FAM240C: variants seen among roughly 807,000 people sequenced by gnomAD.
The protein encoded by FAM240C is protein FAM240C.
A neutral mutation model predicts 10.0 loss-of-function variants in FAM240C; 14 were observed. That is an observed-to-expected ratio of 1.40 (90% CI 0.92 to 2.19). The LOEUF is 2.19. FAM240C is among the 30% of genes most tolerant of loss of function. The pLI, the probability that FAM240C is intolerant of heterozygous loss-of-function variation, is 0.00. For synonymous variants in FAM240C, 49 were observed against 44.3 expected, an observed-to-expected ratio of 1.11 and a Z score of -0.42; for missense variants, 154 against 122.3, an observed-to-expected ratio of 1.26 and a Z score of -1.22.
At chr2:241,897,395 G>A (rs1204742313) in intron 1 of FAM240C, 61 bp from the exon 2 acceptor site, 1 of 1,521,658 alleles carries the variant, frequency 6.6e-7, no homozygotes. Flanking sequence ...TGACGAGTTT[G>A]TGCTCCAGCA....
At chr2:241,895,726 C>A (rs1701779108) in intron 2 of FAM240C, among the ~76,000 whole-genome samples, 1 of 152,180 alleles carries the variant, frequency 6.6e-6, no homozygotes. Context: ...AACGCTGGTG[C>A]CTGCCTTGGA....
chr2:241,897,130 G>A, intron 2 of FAM240C, 56 bp downstream of exon 2: 3 of 1,531,102 alleles, frequency 2.0e-6, no homozygotes, highest in Admixed American at 2.0e-5. Context: ...GTGCCCCTGG[G>A]TGGCGAGCGT....
rs994698415 is a variant in FAM240C, at chr2:241,894,582, G to C, written c.162-243C>G. Among the ~76,000 whole-genome samples, 9 of 145,876 alleles carry C rather than the reference G, an allele frequency of 6.2e-5. 1 individual carries two copies. The highest frequency in any genetic ancestry group is 1.7e-4 in the African/African-American group (7 of 40,074). On this transcript the variant is annotated intron_variant, in intron 2 of 2. Transcript: ENST00000404031. ...GCTGACCAGTGGTTGGTGGGGGGGG[G>C]GGGGGGCGTCTCACTCAGGACCCTC...
intron 1 of FAM240C, chr2:241,899,211 C>T (rs1004724285): frequency 3.1e-6 from 4 of 1,303,786 alleles, no homozygotes; most frequent in African/African-American, 1.5e-5. Flanking sequence ...TGATGTGACC[C>T]CTGGCTGGGG....
chr2:241,896,901 G>A lies in FAM240C; in HGVS notation c.161+285C>T, dbSNP rs556749240. ...AATTGTCCGTGGGCATTGGGGTGTG[G>A]TGTTGCCTGGATAGTGATGTTTGAT... On this transcript the variant is annotated intron_variant, in intron 2 of 2. Coordinates refer to ENST00000404031, the MANE Select transcript of FAM240C (RefSeq NM_001382368.1). 1.3e-4 allele frequency among the ~76,000 whole-genome samples: 19 copies of A among 151,676 alleles called. No individual in the cohort carries two copies. In the Middle Eastern group the frequency reaches 0.014, roughly 110 times the overall value.
At chr2:241,896,540 G>T (rs199690078) in intron 2 of FAM240C, among the ~76,000 whole-genome samples, 67 of 105,618 alleles carry the variant, frequency 6.3e-4, no homozygotes, top group African/African-American at 1.6e-3. Flanking sequence ...TTGGGGTGTG[G>T]GTGTTGGGGT....
chr2:241,899,240 G>A (rs1229084948), intron 1 of FAM240C: 41 of 1,302,508 alleles, frequency 3.1e-5, no homozygotes, highest in Non-Finnish European at 3.9e-5. Flanking sequence ...CTGCAGAGGC[G>A]CGGGCGCTGT....
chr2:241,900,517 C>T (rs1193928378), upstream of FAM240C: 9 of 639,088 alleles, frequency 1.4e-5, no homozygotes, highest in Admixed American at 9.4e-5. The surrounding 1 kb of genome is among the most constrained non-coding windows in gnomAD (Gnocchi z 4.5). Context: ...CAGAAAGACG[C>T]GCTGCCCTCT....
At position 241,894,005 on chromosome 2, in the gene FAM240C, T is replaced by G. The variant is rs571411871; in HGVS notation, c.*208A>C. 47 of 468,058 alleles carry G rather than the reference T, an allele frequency of 1.0e-4. No individual in the cohort carries two copies. Among genetic ancestry groups the G allele is most frequent in the African/African-American group, 8.0e-4 (42 of 52,368 alleles). The allele number at this position is 468,058 out of a possible 1,614,324, so 29.0% of individuals were successfully genotyped here. A position where few individuals can be genotyped will look rare whatever the true frequency, so the allele number is the denominator to read the frequency against. ...ACATTCAATCCAATTGACTTAGGTT[T>G]TATTGGGCACCAGAGATGCGCTAGA... is the stretch of plus-strand genomic sequence containing the variant. On this transcript the variant is annotated 3_prime_UTR_variant, in exon 3 of 3. Coordinates refer to ENST00000404031, the MANE Select transcript of FAM240C (RefSeq NM_001382368.1).
At chr2:241,895,051 G>A in intron 2 of FAM240C, among the ~76,000 whole-genome samples, 1 of 152,210 alleles carries the variant, frequency 6.6e-6, no homozygotes, top group East Asian at 1.9e-4. Context: ...GAGTGGGGTG[G>A]GTGCCCGGCT....
At chr2:241,899,255 T>C in intron 1 of FAM240C, 9 of 1,296,642 alleles carry the variant, frequency 6.9e-6, no homozygotes, top group Non-Finnish European at 9.1e-6. Context: ...CGCTGTGGCC[T>C]GCGCAGCCTG....
Position 241,900,430 on chromosome 2 carries a change from G to C in FAM240C, c.-61C>G. The C allele has an allele frequency of 1.4e-6, 1 of 715,344 alleles. No individual in the cohort carries two copies. Among genetic ancestry groups the C allele is most frequent in the Non-Finnish European group, 2.6e-6 (1 of 384,216 alleles). 44.3% of individuals were successfully genotyped at this position (715,344 alleles called of 1,614,324 possible). A position where few individuals can be genotyped will look rare whatever the true frequency, so the allele number is the denominator to read the frequency against. ...AGGGTCCTCAGCCTGTCCTCTCCGG[G>C]GTGCACGCCTGTATCTCGCCTGCCG... On this transcript the variant is annotated 5_prime_UTR_variant, in exon 1 of 3. Transcript: ENST00000404031. The surrounding 1 kb of genome is among the most constrained non-coding windows in gnomAD (Gnocchi z 4.5).
rs1403620050 is a variant in FAM240C at position 241,897,251 on chromosome 2, T to G, written c.96A>C (p.Lys32Asn). 1.9e-6 allele frequency: 3 copies of G among 1,549,982 alleles called. No individual in the cohort carries two copies. The highest frequency in any genetic ancestry group is 2.4e-5 in the South Asian group (2 of 84,068). ...SGGIKMFWEK[K>N]IEHHARHLQN... is the part of the protein sequence containing the mutation. ...GCAGGTGTCTTGCGTGATGCTCGAT[T>G]TTTTTCTCCCAAAACATCTTTATCC... Residue 32 changes from lysine (K) to asparagine (N), a missense_variant, in exon 2 of 3, where the codon AAA becomes AAC. Coordinates refer to ENST00000404031, the MANE Select transcript of FAM240C (RefSeq NM_001382368.1).
chr2:241,895,041 G>A (rs966696492), intron 2 of FAM240C, among the ~76,000 whole-genome samples: 1 of 152,228 alleles, frequency 6.6e-6, no homozygotes, highest in South Asian at 2.1e-4. Flanking sequence ...AGAAGTTGGA[G>A]AGTGGGGTGG....
intron 1 of FAM240C, chr2:241,899,045 G>T: frequency 1.9e-6 from 2 of 1,044,664 alleles, no homozygotes; most frequent in Non-Finnish European, 2.7e-6. Flanking sequence ...ACACAGGGTG[G>T]CAGGAGCGCG....
At chr2:241,899,717 A>G (rs1347550760) in intron 1 of FAM240C, among the ~76,000 whole-genome samples, 6 of 152,202 alleles carry the variant, frequency 3.9e-5, no homozygotes, top group African/African-American at 1.2e-4. Flanking sequence ...TTAAACCCTC[A>G]TGGGACAAAA....
intron 2 of FAM240C, 151 bp downstream of exon 2, chr2:241,897,035 T>C (rs1022977823): frequency 5.1e-6 from 4 of 789,320 alleles, no homozygotes; most frequent in Non-Finnish European, 7.9e-6. Flanking sequence ...CCTCCTGGGT[T>C]GACTCCTTTC....
chr2:241,901,569 T>A (rs1347148508), upstream of FAM240C, among the ~76,000 whole-genome samples: 1 of 151,652 alleles, frequency 6.6e-6, no homozygotes, highest in Non-Finnish European at 1.5e-5. The surrounding 1 kb of genome is among the most constrained non-coding windows in gnomAD (Gnocchi z 4.9). Context: ...TCAGGACACC[T>A]TGATCTGTGG....
chr2:241,897,730 G>A (rs926166716), intron 1 of FAM240C, among the ~76,000 whole-genome samples: 1 of 152,206 alleles, frequency 6.6e-6, no homozygotes, highest in Non-Finnish European at 1.5e-5. Flanking sequence ...TTCTGTGCCA[G>A]GTGAGTCCAT....
Sources: allele counts gnomAD v4.1 joint callset (sites outside exome capture counted in the v4.1 genomes callset), GRCh38; gene constraint gnomAD v4.1.1; non-coding constraint Gnocchi (gnomAD v3.1); transcripts MANE v1.5; gene names NCBI Gene and HGNC (gene_info 2026-07-23, HGNC 2026-07-21).